The following DYNC1LI1 variants were observed in gnomAD, a reference collection of about 807,000 sequenced individuals.
DYNC1LI1 encodes cytoplasmic dynein 1 light intermediate chain 1.
DYNC1LI1 carries 19 observed loss-of-function variants against 63.8 expected under a neutral mutation model. That is an observed-to-expected ratio of 0.30 (90% CI 0.21 to 0.44). DYNC1LI1 has a LOEUF of 0.44. Among genes scored for constraint, DYNC1LI1 ranks in the 20% least tolerant of loss-of-function variants. DYNC1LI1 has a pLI of 1.00. For missense variants in DYNC1LI1, 565 were observed against 630.2 expected, an observed-to-expected ratio of 0.90 and a Z score of 1.11; for synonymous variants, 225 against 232.3, an observed-to-expected ratio of 0.97 and a Z score of 0.28.
chr3:32,528,112 C>CAAAAAAAAAAAAAAAAAAAAAAAAA (rs60912161), intron 12 of DYNC1LI1, among the ~76,000 whole-genome samples: 1 of 29,902 alleles, frequency 3.3e-5, no homozygotes, highest in Non-Finnish European at 7.6e-5. Context: ...GACTCCATCT[C>CAAAAAAAAAAAAAAAAAAAAAAAAA]AAAAAAAAAA....
At chr3:32,527,657 A>C (rs893813164) in intron 12 of DYNC1LI1, among the ~76,000 whole-genome samples, 1 of 152,218 alleles carries the variant, frequency 6.6e-6, no homozygotes, top group African/African-American at 2.4e-5. Context: ...AATTCCACTT[A>C]GGTATTTACC....
chr3:32,558,403 T>TAAAAAAA (rs533076265), intron 2 of DYNC1LI1, among the ~76,000 whole-genome samples: 101 of 90,344 alleles, frequency 1.1e-3, no homozygotes, highest in East Asian at 9.0e-3. Context: ...TTTAAAAATG[T>TAAAAAAA]AAAAAAAAAA....
intron 4 of DYNC1LI1, among the ~76,000 whole-genome samples, chr3:32,544,271 C>T (rs1043682137): frequency 6.6e-6 from 1 of 151,994 alleles, no homozygotes; most frequent in Non-Finnish European, 1.5e-5. Context: ...AGTAAGATTA[C>T]GAATTAAAAA....
intron 8 of DYNC1LI1, chr3:32,531,006 A>C (rs1036560285): frequency 3.2e-5 from 5 of 154,118 alleles, no homozygotes; most frequent in African/African-American, 1.2e-4. Flanking sequence ...CTCTGAAATA[A>C]AAATATAATG....
chr3:32,548,527 A>G (rs1368665780), intron 2 of DYNC1LI1, among the ~76,000 whole-genome samples: 1 of 152,214 alleles, frequency 6.6e-6, no homozygotes, highest in African/African-American at 2.4e-5. Flanking sequence ...CATACATGCA[A>G]CCTTAAAAAG....
intron 5 of DYNC1LI1, among the ~76,000 whole-genome samples, chr3:32,538,035 ATATATATATATAAT>A (rs1481608916): frequency 7.3e-4 from 6 of 8,242 alleles, no homozygotes; most frequent in Admixed American, 6.3e-3. Flanking sequence ...TATATATATA[ATATATATATATAAT>A]TATATATATA....
At chr3:32,567,530 A>AC in intron 2 of DYNC1LI1, among the ~76,000 whole-genome samples, 1 of 121,384 alleles carries the variant, frequency 8.2e-6, no homozygotes, top group Non-Finnish European at 1.8e-5. Context: ...TTTTTATTTT[A>AC]TTTATTATTA....
rs529108798 is a variant in DYNC1LI1 at position 32,565,480 on chromosome 3, T to C, written c.220+4866A>G. On this transcript the variant is annotated intron_variant, in intron 2 of 12. Transcript: ENST00000273130. ...AAGTGTTATTGCTTGCACTAAAAGA[T>C]ACACACTGAGAAGAATCAGATAAAA... is the stretch of plus-strand genomic sequence containing the variant. 2.0e-5 allele frequency among the ~76,000 whole-genome samples: 3 copies of C among 152,356 alleles called. No homozygotes were observed. The South Asian group carries it at 6.2e-4, about 32-fold the overall frequency.
intron 4 of DYNC1LI1, 94 bp from the exon 5 acceptor site, chr3:32,541,300 T>G (rs1697879065): frequency 1.2e-6 from 1 of 808,904 alleles, no homozygotes; most frequent in East Asian, 2.7e-5. Flanking sequence ...CTCGAATTTA[T>G]ACTTAGTCTT....
chr3:32,543,971 A>C (rs1384097871), intron 4 of DYNC1LI1, among the ~76,000 whole-genome samples: 1 of 148,760 alleles, frequency 6.7e-6, no homozygotes, highest in South Asian at 2.2e-4. Context: ...AGATGGGAGG[A>C]TGGCTTGAGC....
intron 12 of DYNC1LI1, 42 bp from the exon 13 acceptor site, chr3:32,526,950 G>A: frequency 1.4e-6 from 2 of 1,414,000 alleles, no homozygotes; most frequent in Non-Finnish European, 2.0e-6. Context: ...TTAGATATAA[G>A]TGAAAGTATC....
chr3:32,561,029 A>AAAAAC (rs1698185548), intron 2 of DYNC1LI1, among the ~76,000 whole-genome samples: 1 of 130,022 alleles, frequency 7.7e-6, no homozygotes, highest in Non-Finnish European at 1.6e-5. Context: ...AAAAAAAAAA[A>AAAAAC]AAAACAAACA....
At chr3:32,560,888 G>A (rs1054032813) in intron 2 of DYNC1LI1, among the ~76,000 whole-genome samples, 2 of 150,058 alleles carry the variant, frequency 1.3e-5, no homozygotes, top group African/African-American at 2.5e-5. Flanking sequence ...TGCAATCCCA[G>A]CTACTCATGA....
At chr3:32,533,222 C>A in intron 7 of DYNC1LI1, 125 bp from the exon 8 acceptor site, 1 of 1,353,870 alleles carries the variant, frequency 7.4e-7, no homozygotes, top group Non-Finnish European at 9.5e-7. Context: ...AACGAATTAG[C>A]TTTTCATTAT....
intron 2 of DYNC1LI1, among the ~76,000 whole-genome samples, chr3:32,548,237 C>A (rs1377479951): frequency 6.6e-6 from 1 of 152,090 alleles, no homozygotes; most frequent in Non-Finnish European, 1.5e-5. Flanking sequence ...CTGAGCTCCA[C>A]CTCCCGTCAG....
intron 3 of DYNC1LI1, 54 bp downstream of exon 3, chr3:32,545,795 T>G (rs1002039743): frequency 5.9e-6 from 7 of 1,185,674 alleles, no homozygotes; most frequent in African/African-American, 1.5e-5. Context: ...CTAATGTGAA[T>G]GGCAGTGCAC....
intron 12 of DYNC1LI1, 40 bp downstream of exon 12, chr3:32,528,406 C>T: frequency 6.2e-7 from 1 of 1,611,180 alleles, no homozygotes. Context: ...CTCAAAAAAG[C>T]TGTTATTTTA....
At chr3:32,560,650 C>A (rs902737238) in intron 2 of DYNC1LI1, among the ~76,000 whole-genome samples, 5 of 151,730 alleles carry the variant, frequency 3.3e-5, no homozygotes, top group Non-Finnish European at 7.4e-5. Flanking sequence ...TAAAAAAAAA[C>A]AGAACTTATC....
intron 2 of DYNC1LI1, among the ~76,000 whole-genome samples, chr3:32,562,905 G>A (rs938477136): frequency 6.6e-6 from 1 of 152,072 alleles, no homozygotes; most frequent in African/African-American, 2.4e-5. Context: ...AAACTGCCTC[G>A]GCCCTTTTCT....
Sources: allele counts gnomAD v4.1 joint callset (sites outside exome capture counted in the v4.1 genomes callset), GRCh38; gene constraint gnomAD v4.1.1; transcripts MANE v1.5; gene names NCBI Gene and HGNC (gene_info 2026-07-23, HGNC 2026-07-21).